The following TRAK1 variants were observed in gnomAD, a reference collection of about 807,000 sequenced individuals.
TRAK1 encodes trafficking kinesin-binding protein 1.
In TRAK1, 33 loss-of-function variants were observed where a neutral mutation model predicts 92.1. That is an observed-to-expected ratio of 0.36 (90% CI 0.27 to 0.48). TRAK1 has a LOEUF of 0.48. TRAK1 is among the 20% of genes least tolerant of loss of function. The pLI, the probability that TRAK1 is intolerant of heterozygous loss-of-function variation, is 0.99. For missense variants in TRAK1, 1,123 were observed against 1,257.9 expected (o/e 0.89, Z 1.62); for synonymous variants, 521 against 517.3 (o/e 1.01, Z -0.10).
chr3:42,104,951 T>G (rs1271029791), intron 1 of TRAK1, among the ~76,000 whole-genome samples: 2 of 28,608 alleles, frequency 7.0e-5, no homozygotes, highest in Admixed American at 9.2e-4. Flanking sequence ...CTAAAAATCT[T>G]TTTTTTTTTT....
intron 14 of TRAK1, chr3:42,217,097 CTTTT>C (rs550975120): frequency 4.8e-5 from 7 of 146,516 alleles, no homozygotes; most frequent in Non-Finnish European, 6.4e-5. Context: ...CTCTCTCTCT[CTTTT>C]TTTTTTTTTT....
chr3:42,013,641 C>T (rs866435267), upstream of TRAK1, among the ~76,000 whole-genome samples: 14,828 of 148,082 alleles, frequency 0.1, 2,412 homozygotes, highest in African/African-American at 0.34. The surrounding 1 kb of genome is among the most constrained non-coding windows in gnomAD (Gnocchi z 5.1). Context: ...TGCAAGCCGC[C>T]CGCTCGCGGG....
chr3:42,030,972 G>A (rs531273119), intron 1 of TRAK1, among the ~76,000 whole-genome samples: 86 of 151,214 alleles, frequency 5.7e-4, no homozygotes, highest in African/African-American at 2.0e-3. Context: ...AGAGTACAAA[G>A]AGAAAACGGA....
rs750868839 is a variant in TRAK1 at position 42,091,487 on chromosome 3, A to G, written c.18A>G (p.Gln6=). Residue 6 remains glutamine, a synonymous_variant, in exon 1 of 16, where the codon CAA becomes CAG. Transcript: ENST00000327628. MALVF[Q]FGQPVRAQPL... Reference sequence around the variant, plus strand: ...GTCTGCACATGGCATTGGTTTTTCAATTCGGGCAGCCCGTCAGGGCTCAGC... The same window carrying G: ...GTCTGCACATGGCATTGGTTTTTCAGTTCGGGCAGCCCGTCAGGGCTCAGC... The G allele has an allele frequency of 2.5e-6, 4 of 1,613,598 alleles. No homozygotes were observed. In the South Asian group the frequency reaches 3.3e-5, roughly 13 times the overall value.
chr3:42,199,775 C>T (rs758948249), intron 11 of TRAK1, among the ~76,000 whole-genome samples: 21 of 152,200 alleles, frequency 1.4e-4, no homozygotes, highest in Non-Finnish European at 4.4e-5. Context: ...CTGTGCTCCT[C>T]TTCTTCTTAG....
At chr3:42,127,421 T>C (rs1195845675) in intron 2 of TRAK1, among the ~76,000 whole-genome samples, 1 of 150,872 alleles carries the variant, frequency 6.6e-6, no homozygotes, top group Non-Finnish European at 1.5e-5. Context: ...GGTGCACATA[T>C]GGCTTACTGC....
chr3:42,183,801 C>G (rs1034449621), intron 3 of TRAK1, among the ~76,000 whole-genome samples: 1 of 152,192 alleles, frequency 6.6e-6, no homozygotes, highest in Non-Finnish European at 1.5e-5. Flanking sequence ...CCTCACCTTG[C>G]CAAAACCCAA....
intron 1 of TRAK1, among the ~76,000 whole-genome samples, chr3:42,050,944 C>A: frequency 6.6e-6 from 1 of 152,176 alleles, no homozygotes; most frequent in Non-Finnish European, 1.5e-5. Flanking sequence ...AAGTCGGAGA[C>A]CCTCTGGTTC....
chr3:42,084,228 A>C (rs1704566779), upstream of TRAK1, among the ~76,000 whole-genome samples: 1 of 152,000 alleles, frequency 6.6e-6, no homozygotes, highest in African/African-American at 2.4e-5. Context: ...TTTAGGGATG[A>C]CTTCTCAAGC....
chr3:42,211,196 G>C (rs1708989697), intron 14 of TRAK1: 11 of 985,136 alleles, frequency 1.1e-5, no homozygotes, highest in Non-Finnish European at 1.3e-5. Flanking sequence ...GAAATACAGG[G>C]CAGGAAAGAG....
chr3:42,155,393 C>T (rs1005882402), intron 2 of TRAK1, among the ~76,000 whole-genome samples: 2 of 152,100 alleles, frequency 1.3e-5, no homozygotes, highest in East Asian at 1.9e-4. Context: ...AGAGCTTTTC[C>T]GGCATCTGCT....
intron 1 of TRAK1, among the ~76,000 whole-genome samples, chr3:42,099,277 C>T (rs1428334717): frequency 6.6e-6 from 1 of 151,958 alleles, no homozygotes; most frequent in Non-Finnish European, 1.5e-5. Flanking sequence ...GACGAGTGGG[C>T]ATAGGCGGGG....
chr3:42,060,168 A>G (rs373222733), intron 1 of TRAK1, among the ~76,000 whole-genome samples: 272 of 152,322 alleles, frequency 1.8e-3, no homozygotes, highest in African/African-American at 6.2e-3. Flanking sequence ...CTCCATCCAC[A>G]TGGAGCTTAC....
chr3:42,210,896 C>T (rs1219595163), intron 14 of TRAK1: 1 of 985,230 alleles, frequency 1.0e-6, no homozygotes, highest in Admixed American at 6.1e-5. Flanking sequence ...CAGAATTACC[C>T]ACATTCCAGT....
At chr3:42,179,917 G>A (rs1159802707) in intron 3 of TRAK1, among the ~76,000 whole-genome samples, 1 of 151,542 alleles carries the variant, frequency 6.6e-6, no homozygotes, top group Admixed American at 6.6e-5. Flanking sequence ...TTTTTTGGTA[G>A]GGATGGTGTC....
intron 13 of TRAK1, chr3:42,203,927 C>A (rs1237594673): frequency 4.1e-6 from 4 of 985,212 alleles, no homozygotes; most frequent in African/African-American, 1.7e-5. Flanking sequence ...CAATATTGCC[C>A]CTGTGAGACT....
At chr3:42,159,055 G>T (rs1032242194) in intron 2 of TRAK1, among the ~76,000 whole-genome samples, 1 of 151,608 alleles carries the variant, frequency 6.6e-6, no homozygotes, top group African/African-American at 2.4e-5. Flanking sequence ...ATTATCTCTG[G>T]TTTTCTATTT....
At chr3:42,021,128 A>G (rs2148880009) in intron 1 of TRAK1, among the ~76,000 whole-genome samples, 1 of 152,322 alleles carries the variant, frequency 6.6e-6, no homozygotes, top group South Asian at 2.1e-4. Context: ...TTTAGAGGAA[A>G]GGTGGGGAGG....
intron 1 of TRAK1, among the ~76,000 whole-genome samples, chr3:42,092,480 G>T (rs1171420762): frequency 1.3e-5 from 2 of 152,184 alleles, no homozygotes; most frequent in Non-Finnish European, 1.5e-5. Flanking sequence ...CCCAGGGCCA[G>T]GTTTTTACTG....
Sources: gnomAD v4.1 joint callset for allele counts (sites outside exome capture counted in the v4.1 genomes callset) on GRCh38, gnomAD v4.1.1 for gene constraint, Gnocchi (gnomAD v3.1) non-coding constraint, MANE v1.5 for transcripts, NCBI Gene and HGNC (gene_info 2026-07-23, HGNC 2026-07-21) for gene names.